Variants in NRXN1 observed in about 807,000 individuals in gnomAD.
The protein encoded by NRXN1 is neurexin 1.
NRXN1 carries 39 observed loss-of-function variants against 150.9 expected under a neutral mutation model. The ratio of observed to expected loss-of-function variants is 0.26; its 90% confidence interval spans 0.20 to 0.34. The LOEUF (loss-of-function observed/expected upper bound fraction) is 0.34, where lower values mean the gene tolerates loss of function less well. NRXN1 is among the 10% of genes least tolerant of loss of function. NRXN1 has a pLI of 1.00. For missense variants in NRXN1, 1,815 were observed against 1,949.9 expected, an observed-to-expected ratio of 0.93 and a Z score of 1.30; for synonymous variants, 924 against 757.0, an observed-to-expected ratio of 1.22 and a Z score of -3.62.
intron 5 of NRXN1, among the ~76,000 whole-genome samples, chr2:50,765,188 A>T (rs1702244040): frequency 6.6e-6 from 1 of 151,950 alleles, no homozygotes; most frequent in East Asian, 1.9e-4. Context: ...AAGGGGGAAA[A>T]CCTTACTTTC....
At chr2:50,427,164 T>G (rs984918128) in intron 17 of NRXN1, among the ~76,000 whole-genome samples, 5 of 152,164 alleles carry the variant, frequency 3.3e-5, no homozygotes, top group African/African-American at 1.2e-4. Flanking sequence ...TTTGTGACGA[T>G]AAAAATACTT....
chr2:49,937,102 C>T (rs552362223), intron 22 of NRXN1, among the ~76,000 whole-genome samples: 2 of 152,296 alleles, frequency 1.3e-5, no homozygotes, highest in East Asian at 3.9e-4. Context: ...GAAGATAGCG[C>T]CCCTATCTCC....
chr2:50,308,491 G>C (rs1309177781), intron 17 of NRXN1, among the ~76,000 whole-genome samples: 1 of 151,596 alleles, frequency 6.6e-6, no homozygotes, highest in African/African-American at 2.4e-5. Flanking sequence ...CAACTTCCAC[G>C]TAAGTTTTTA....
chr2:50,433,563 A>AT (rs11383115), intron 17 of NRXN1, among the ~76,000 whole-genome samples: 28,055 of 144,404 alleles, frequency 0.19, 4,701 homozygotes, highest in African/African-American at 0.44. Flanking sequence ...GGAGGTAATA[A>AT]TTTTTTTTTT....
At chr2:50,245,625 G>A (rs1293148951) in intron 17 of NRXN1, among the ~76,000 whole-genome samples, 1 of 151,834 alleles carries the variant, frequency 6.6e-6, no homozygotes, top group Non-Finnish European at 1.5e-5. Flanking sequence ...GTCGGTAGAA[G>A]TTGTAGTTGC....
At chr2:50,955,823 T>C (rs1692191831) in intron 2 of NRXN1, among the ~76,000 whole-genome samples, 1 of 152,172 alleles carries the variant, frequency 6.6e-6, no homozygotes, top group South Asian at 2.1e-4. Context: ...GTTTGATAAT[T>C]ACTGAGGGGG....
At chr2:50,563,933 C>A (rs1202433682) in intron 8 of NRXN1, among the ~76,000 whole-genome samples, 1 of 152,120 alleles carries the variant, frequency 6.6e-6, no homozygotes, top group South Asian at 2.1e-4. Flanking sequence ...GAAAAGGTGG[C>A]ATTTAAGACA....
At chr2:50,255,642 T>C (rs1036776515) in intron 17 of NRXN1, among the ~76,000 whole-genome samples, 14 of 152,130 alleles carry the variant, frequency 9.2e-5, no homozygotes, top group Non-Finnish European at 1.6e-4. Flanking sequence ...ACAGAAAGGA[T>C]AGAACACTCA....
Position 50,593,506 on chromosome 2 carries a change from T to C in NRXN1, c.1320+26516A>G, listed in dbSNP as rs553504976. On this transcript the variant is annotated intron_variant, in intron 8 of 22. Coordinates refer to ENST00000401669, the MANE Select transcript of NRXN1 (RefSeq NM_001330078.2). ...TTGATACTATCAATTTTAAAAGCCA[T>C]CAAATAAGAAGATTTAGATGAAGAA... 2.0e-5 allele frequency among the ~76,000 whole-genome samples: 3 copies of C among 152,290 alleles called. 1 individual carries two copies. In the East Asian group the frequency reaches 5.8e-4, roughly 29 times the overall value.
At chr2:50,627,731 C>T (rs907568443) in intron 5 of NRXN1, among the ~76,000 whole-genome samples, 1 of 151,534 alleles carries the variant, frequency 6.6e-6, no homozygotes, top group African/African-American at 2.4e-5. Context: ...TAAAGACAAT[C>T]CTGCAGCCCA....
At chr2:50,098,366 T>C (rs987675676) in intron 18 of NRXN1, among the ~76,000 whole-genome samples, 1 of 151,054 alleles carries the variant, frequency 6.6e-6, no homozygotes, top group African/African-American at 2.4e-5. Flanking sequence ...AAAGCACAGG[T>C]GCATTGGGGG....
intron 2 of NRXN1, among the ~76,000 whole-genome samples, chr2:51,015,161 T>C (rs1432961506): frequency 6.6e-6 from 1 of 152,074 alleles, no homozygotes; most frequent in Non-Finnish European, 1.5e-5. Flanking sequence ...TTCTGTTAAC[T>C]CTTCTCTGTG....
intron 18 of NRXN1, among the ~76,000 whole-genome samples, chr2:50,138,346 T>TA (rs139183834): frequency 0.18 from 27,947 of 151,896 alleles, 3,046 homozygotes; most frequent in East Asian, 0.37. Context: ...TTTCTAAGAT[T>TA]AAAAAAACAA....
At chr2:50,240,424 AT>A (rs201257971) in intron 17 of NRXN1, among the ~76,000 whole-genome samples, 17 of 151,572 alleles carry the variant, frequency 1.1e-4, no homozygotes, top group Admixed American at 3.3e-4. Context: ...AGCACTCTGG[AT>A]TTTTTTTAAA....
chr2:50,452,275 G>A (rs1034996088), intron 17 of NRXN1, among the ~76,000 whole-genome samples: 5 of 152,130 alleles, frequency 3.3e-5, no homozygotes, highest in East Asian at 1.9e-4. Flanking sequence ...CTTAAGATTC[G>A]TGTACTGTGG....
chr2:50,366,559 T>A (rs1399015818), intron 17 of NRXN1, among the ~76,000 whole-genome samples: 1 of 152,012 alleles, frequency 6.6e-6, no homozygotes, highest in Non-Finnish European at 1.5e-5. Flanking sequence ...TAAAAATACT[T>A]GCTTTCCAAA....
At chr2:50,395,207 A>G (rs1426689859) in intron 17 of NRXN1, among the ~76,000 whole-genome samples, 1 of 151,852 alleles carries the variant, frequency 6.6e-6, no homozygotes, top group Admixed American at 6.6e-5. Context: ...ATAAAGCCTG[A>G]CATATAGTTG....
At chr2:51,020,576 TCCC>T (rs1669447636) in intron 2 of NRXN1, among the ~76,000 whole-genome samples, 1 of 151,984 alleles carries the variant, frequency 6.6e-6, no homozygotes, top group East Asian at 1.9e-4. Context: ...ATTTAATATC[TCCC>T]ACAAATTTTT....
intron 5 of NRXN1, among the ~76,000 whole-genome samples, chr2:50,908,869 T>C (rs554841299): frequency 6.6e-6 from 1 of 152,110 alleles, no homozygotes; most frequent in East Asian, 2.0e-4. Context: ...CCTCTCACCA[T>C]GTGATGCCCT....
Sources: allele counts gnomAD v4.1 joint callset (sites outside exome capture counted in the v4.1 genomes callset), GRCh38; gene constraint gnomAD v4.1.1; transcripts MANE v1.5; gene names NCBI Gene and HGNC (gene_info 2026-07-23, HGNC 2026-07-21).